Variants in HIVEP3 observed in about 807,000 individuals in gnomAD.
HIVEP3 encodes the protein HIVEP zinc finger 3.
In HIVEP3, 49 loss-of-function variants were observed where a neutral mutation model predicts 152.8. That is an observed-to-expected ratio of 0.32 (90% confidence interval 0.26 to 0.41). The LOEUF (loss-of-function observed/expected upper bound fraction) is 0.41, where lower values mean the gene tolerates loss of function less well. HIVEP3 is among the 10% of genes least tolerant of loss of function. HIVEP3 has a pLI of 1.00. For synonymous variants in HIVEP3, 1,269 were observed against 1,289.0 expected (o/e 0.98, Z 0.33); for missense variants, 2,790 against 3,103.3 (o/e 0.90, Z 2.40).
chr1:41,510,959 G>A lies in HIVEP3; in HGVS notation c.6713C>T (p.Ala2238Val). ...GGGACTCCAGCGGCCTCGCTCCTGG[G>A]CCTCCCGGGCCCCTGTCAGGTCGCT... is the stretch of plus-strand genomic sequence containing the variant. ...GGSDLTGARE[A>V]QERGRWSPTE... The change falls in exon 9 of 9, where the codon GCC becomes GTC. Residue 2238 changes from alanine to valine, a missense_variant. By Grantham distance (64) the Ala-to-Val change is moderately conservative (BLOSUM62 0). Coordinates refer to ENST00000372583, the MANE Select transcript of HIVEP3 (RefSeq NM_024503.5). 6.2e-7 allele frequency: 1 copy of A among 1,613,582 alleles called. No homozygotes were observed. Among genetic ancestry groups the A allele is most frequent in the East Asian group, 2.2e-5 (1 of 44,864 alleles).
chr1:41,720,162 C>T (rs748106894), intron 1 of HIVEP3, among the ~76,000 whole-genome samples: 1 of 152,164 alleles, frequency 6.6e-6, no homozygotes, highest in African/African-American at 2.4e-5. Flanking sequence ...TCGCAGATGC[C>T]AAAAAGTCAT....
chr1:41,544,717 CCTG>C (rs1643635142), intron 5 of HIVEP3, among the ~76,000 whole-genome samples: 1 of 146,474 alleles, frequency 6.8e-6, no homozygotes, highest in African/African-American at 2.6e-5. Context: ...ACCACTACCA[CCTG>C]TACCACCACC....
chr1:41,518,972 A>G (rs1458991148), intron 6 of HIVEP3, among the ~76,000 whole-genome samples: 4 of 152,146 alleles, frequency 2.6e-5, no homozygotes, highest in African/African-American at 9.7e-5. Context: ...CTTCTGGCTG[A>G]GGACACCTCT....
intron 1 of HIVEP3, among the ~76,000 whole-genome samples, chr1:41,764,556 A>C (rs1322304637): frequency 6.6e-6 from 1 of 152,234 alleles, no homozygotes; most frequent in Non-Finnish European, 1.5e-5. Flanking sequence ...AGAAGTGACA[A>C]TTAAAGGATA....
chr1:41,650,630 A>G (rs1160972324), intron 2 of HIVEP3, among the ~76,000 whole-genome samples: 1 of 151,560 alleles, frequency 6.6e-6, no homozygotes, highest in Non-Finnish European at 1.5e-5. Flanking sequence ...TCATCCTCTC[A>G]AAGCCTATTT....
intron 1 of HIVEP3, among the ~76,000 whole-genome samples, chr1:41,769,242 C>T (rs992072540): frequency 3.3e-5 from 5 of 152,246 alleles, no homozygotes; most frequent in Admixed American, 6.5e-5. Context: ...TGTCCACTTT[C>T]CAAAGCACGT....
intron 1 of HIVEP3, among the ~76,000 whole-genome samples, chr1:41,729,132 G>C (rs769757844): frequency 1.3e-5 from 2 of 152,170 alleles, no homozygotes; most frequent in Non-Finnish European, 2.9e-5. Context: ...CACCCTCAGG[G>C]GTTCCATTCA....
chr1:41,951,415 A>ATGAC (rs1328691912), intron 1 of HIVEP3, among the ~76,000 whole-genome samples: 2 of 152,214 alleles, frequency 1.3e-5, no homozygotes, highest in African/African-American at 4.8e-5. Flanking sequence ...GTGGCAGACA[A>ATGAC]TGACTGAGAG....
At chr1:41,624,865 T>C (rs376626857) in intron 3 of HIVEP3, among the ~76,000 whole-genome samples, 1 of 152,320 alleles carries the variant, frequency 6.6e-6, no homozygotes, top group East Asian at 1.9e-4. Context: ...ATGTTATGGA[T>C]GTTGATTTAG....
chr1:42,017,525 C>T (rs187917428), intron 1 of HIVEP3, among the ~76,000 whole-genome samples: 1 of 152,216 alleles, frequency 6.6e-6, no homozygotes, highest in African/African-American at 2.4e-5. Flanking sequence ...GAGATTAGTG[C>T]TGCCTGTTTG....
At chr1:41,602,972 C>T (rs1558106962) in intron 3 of HIVEP3, among the ~76,000 whole-genome samples, 2 of 152,172 alleles carry the variant, frequency 1.3e-5, no homozygotes. Context: ...TTCTTTGACC[C>T]AATGGTTGTT....
At chr1:41,601,222 T>C (rs925399394) in intron 3 of HIVEP3, among the ~76,000 whole-genome samples, 2 of 152,192 alleles carry the variant, frequency 1.3e-5, no homozygotes, top group Non-Finnish European at 2.9e-5. Context: ...GAGGATTGAT[T>C]TGGCTATTTG....
intron 1 of HIVEP3, among the ~76,000 whole-genome samples, chr1:41,971,960 A>G (rs1259401790): frequency 6.6e-6 from 1 of 152,204 alleles, no homozygotes; most frequent in Admixed American, 6.5e-5. Context: ...ACATGTTGCC[A>G]TCTTGGAGGC....
At chr1:41,707,636 A>G (rs1463718624) in intron 1 of HIVEP3, among the ~76,000 whole-genome samples, 1 of 152,172 alleles carries the variant, frequency 6.6e-6, no homozygotes, top group African/African-American at 2.4e-5. Flanking sequence ...TTGGGTGTAG[A>G]TGGTACAGTG....
Position 41,533,159 on chromosome 1 carries a change from A to G in HIVEP3, c.5208-8249T>C, listed in dbSNP as rs1643310960. 1.3e-5 allele frequency among the ~76,000 whole-genome samples: 2 copies of G among 152,270 alleles called. No individual in the cohort carries two copies. The highest frequency in any genetic ancestry group is 4.8e-5 in the African/African-American group (2 of 41,554). On this transcript the variant is annotated intron_variant, in intron 5 of 8. Transcript: ENST00000372583. The surrounding 1 kb of genome is among the most constrained non-coding windows in gnomAD (Gnocchi z 4.3). ...GTGGCTCCTCTGCTCGTTGAAGGCC[A>G]GGACCGAGGCTTGTCCAGCTTTGAG...
intron 3 of HIVEP3, among the ~76,000 whole-genome samples, chr1:41,618,547 A>G (rs1645001936): frequency 1.3e-5 from 2 of 152,082 alleles, no homozygotes; most frequent in Non-Finnish European, 1.5e-5. Context: ...CACCACTCAT[A>G]GGCCTTGCAA....
At chr1:41,567,385 C>T (rs1365212433) in intron 5 of HIVEP3, among the ~76,000 whole-genome samples, 1 of 152,206 alleles carries the variant, frequency 6.6e-6, no homozygotes, top group Admixed American at 6.5e-5. Flanking sequence ...GTTATATTCC[C>T]CAGGAGAGAG....
At chr1:41,826,711 G>T (rs1446020061) in intron 1 of HIVEP3, among the ~76,000 whole-genome samples, 1 of 152,162 alleles carries the variant, frequency 6.6e-6, no homozygotes, top group Non-Finnish European at 1.5e-5. Flanking sequence ...TGTTCTGAAG[G>T]TTTTGTATGC....
intron 2 of HIVEP3, among the ~76,000 whole-genome samples, chr1:41,666,815 G>A (rs1224070656): frequency 3.3e-5 from 5 of 152,104 alleles, no homozygotes; most frequent in Non-Finnish European, 5.9e-5. Context: ...GAAACCACCC[G>A]GTCTATTAGG....
Sources: allele counts gnomAD v4.1 joint callset (sites outside exome capture counted in the v4.1 genomes callset), GRCh38; gene constraint gnomAD v4.1.1; non-coding constraint Gnocchi (gnomAD v3.1); transcripts MANE v1.5; gene names NCBI Gene and HGNC (gene_info 2026-07-23, HGNC 2026-07-21).